ANKIB1: variants seen among roughly 807,000 people sequenced by gnomAD.
The protein encoded by ANKIB1 is ankyrin repeat and IBR domain-containing protein 1.
A neutral mutation model predicts 122.1 loss-of-function variants in ANKIB1; 43 were observed. The observed-to-expected ratio is 0.35, with a 90% CI of 0.28 to 0.45. The LOEUF (loss-of-function observed/expected upper bound fraction) is 0.45, where lower values mean the gene tolerates loss of function less well. Among genes scored for constraint, ANKIB1 ranks in the 20% least tolerant of loss-of-function variants. The pLI is 1.00. For synonymous variants in ANKIB1, 390 were observed against 442.0 expected (o/e 0.88, Z 1.48); for missense variants, 992 against 1,329.5 (o/e 0.75, Z 3.95).
At chr7:92,270,085 A>G (rs1008188003) in intron 1 of ANKIB1, among the ~76,000 whole-genome samples, 2 of 151,852 alleles carry the variant, frequency 1.3e-5, no homozygotes, top group Non-Finnish European at 2.9e-5. Flanking sequence ...TTTTGGAGAT[A>G]GGGTCTCACT....
At chr7:92,355,693 CA>C (rs1324259255) in intron 9 of ANKIB1, among the ~76,000 whole-genome samples, 1 of 151,442 alleles carries the variant, frequency 6.6e-6, no homozygotes, top group African/African-American at 2.4e-5. Flanking sequence ...ACTAAAAATA[CA>C]AAAAATTAGC....
intron 1 of ANKIB1, among the ~76,000 whole-genome samples, chr7:92,277,100 G>A (rs1220556128): frequency 6.6e-6 from 1 of 152,046 alleles, no homozygotes; most frequent in Non-Finnish European, 1.5e-5. Flanking sequence ...TTTCCCTTCC[G>A]CCATGATTGT....
intron 1 of ANKIB1, among the ~76,000 whole-genome samples, chr7:92,261,348 CAAAAAAA>C (rs765326035): frequency 1.6e-5 from 1 of 63,728 alleles, no homozygotes; most frequent in Non-Finnish European, 3.3e-5. Flanking sequence ...GACTCCGTCT[CAAAAAAA>C]AAAAAAAAAA....
At chr7:92,355,347 C>T (rs900128723) in intron 9 of ANKIB1, among the ~76,000 whole-genome samples, 1 of 151,514 alleles carries the variant, frequency 6.6e-6, no homozygotes, top group Admixed American at 6.6e-5. Flanking sequence ...TCTGAGACAA[C>T]TCTTCACAGA....
intron 14 of ANKIB1, among the ~76,000 whole-genome samples, chr7:92,388,266 T>C (rs1804709935): frequency 6.6e-6 from 1 of 152,218 alleles, no homozygotes; most frequent in African/African-American, 2.4e-5. Flanking sequence ...CCTGTGGTGT[T>C]ATGAGATAAA....
chr7:92,258,807 CATCTGCT>C (rs1233185268), intron 1 of ANKIB1, among the ~76,000 whole-genome samples: 1 of 152,044 alleles, frequency 6.6e-6, no homozygotes, highest in Non-Finnish European at 1.5e-5. Context: ...TTCTCTCATC[CATCTGCT>C]ATCTAGATTA....
chr7:92,398,407 T>C lies in ANKIB1; in HGVS notation c.2728T>C (p.Leu910=), dbSNP rs531020910. The change falls in exon 20 of 20, where the codon TTG becomes CTG. Residue 910 remains leucine (L), a synonymous_variant. Coordinates refer to ENST00000265742, the MANE Select transcript of ANKIB1 (RefSeq NM_019004.2). ...PRNTDSPRAA[L]SSSELLELGD... is the part of the protein sequence containing the mutation. ...AAATACAGATAGCCCTCGGGCTGCA[T>C]TGAGCAGCTCTGAGCTTTTGGAACT... 65 of 1,613,586 alleles carry C rather than the reference T, an allele frequency of 4.0e-5. 1 individual carries two copies. In the South Asian group the frequency reaches 4.9e-4, roughly 12 times the overall value.
In ANKIB1 at chr7:92,331,477, T is replaced by C. The variant is rs575469899; in HGVS notation, c.787+3577T>C. Among the ~76,000 whole-genome samples, 6 of 152,044 alleles carry C rather than the reference T, an allele frequency of 3.9e-5. No homozygotes were observed. In the South Asian group the frequency reaches 1.2e-3, roughly 32 times the overall value. Reference sequence around the variant, plus strand: ...GAGATGGGGTTTCACCAGATGGGGTTTGGCCAGGCTGGTCTGGAACTCCTG... The same window carrying C: ...GAGATGGGGTTTCACCAGATGGGGTCTGGCCAGGCTGGTCTGGAACTCCTG... On this transcript the variant is annotated intron_variant, in intron 5 of 19. Transcript: ENST00000265742.
intron 5 of ANKIB1, among the ~76,000 whole-genome samples, chr7:92,342,068 C>A (rs1050342871): frequency 6.6e-6 from 1 of 151,556 alleles, no homozygotes; most frequent in African/African-American, 2.4e-5. Flanking sequence ...AAAAAAACCT[C>A]GTGTAGAAAA....
rs996943530 is a variant in ANKIB1 at position 92,390,001 on chromosome 7, T to C, written c.1937T>C (p.Ile646Thr). The change falls in exon 15 of 20, where the codon ATT (isoleucine) becomes ACT (threonine). Residue 646 changes from isoleucine to threonine, a missense_variant. Around this residue, in one of 4 missense-constraint regions of ANKIB1, gnomAD observed 521 missense variants for 777.7 expected, o/e 0.67. Coordinates refer to ENST00000265742, the MANE Select transcript of ANKIB1 (RefSeq NM_019004.2). The stretch of plus-strand genomic sequence containing the variant: ...GGAGGCTGTCCAGATACCACTTTCA[T>C]TGAAGATGCAGTTCATGTGCTCTTA... ...TEGGCPDTTF[I>T]EDAVHVLLKT... 1 of 1,601,534 alleles carries C rather than the reference T, an allele frequency of 6.2e-7. No homozygotes were observed. The highest frequency in any genetic ancestry group is 1.3e-5 in the African/African-American group (1 of 74,172).
At chr7:92,387,676 A>G (rs994046136) in intron 12 of ANKIB1, 122 bp from the exon 13 acceptor site, 1 of 676,358 alleles carries the variant, frequency 1.5e-6, no homozygotes, top group Non-Finnish European at 2.5e-6. Context: ...TCAAGAAAAT[A>G]ATTCGCAAAT....
intron 1 of ANKIB1, among the ~76,000 whole-genome samples, chr7:92,282,329 A>G (rs1802026215): frequency 6.6e-6 from 1 of 151,612 alleles, no homozygotes; most frequent in Admixed American, 6.6e-5. Flanking sequence ...ATTTTTTTGT[A>G]TTTTTAGTAG....
At chr7:92,385,019 G>A (rs1174596006) in intron 11 of ANKIB1, among the ~76,000 whole-genome samples, 2 of 152,012 alleles carry the variant, frequency 1.3e-5, no homozygotes, top group Non-Finnish European at 2.9e-5. Flanking sequence ...AACCTACAAA[G>A]AACTTAAACC....
chr7:92,394,191 A>G (rs1451944040), intron 17 of ANKIB1, among the ~76,000 whole-genome samples: 1 of 152,204 alleles, frequency 6.6e-6, no homozygotes, highest in Non-Finnish European at 1.5e-5. Flanking sequence ...TTCTAGAAGG[A>G]TTAAAGCATC....
chr7:92,279,759 ACT>A (rs2131900652), intron 1 of ANKIB1, among the ~76,000 whole-genome samples: 1 of 152,232 alleles, frequency 6.6e-6, no homozygotes, highest in African/African-American at 2.4e-5. Context: ...GAAAGCTGAG[ACT>A]CTGTAAAACC....
At position 92,391,327 on chromosome 7, in the gene ANKIB1, A is replaced by G; in HGVS notation, c.2214A>G (p.Pro738=). ...VARGVAPADS[P]EAPRRSFAGG... ...GGGGAGTAGCTCCTGCAGACTCACC[A>G]GAAGCTCCAAGGCGCAGGTAAAAAG... The change falls in exon 16 of 20, where the codon CCA becomes CCG. Residue 738 remains proline (P), a synonymous_variant. Coordinates refer to ENST00000265742, the MANE Select transcript of ANKIB1 (RefSeq NM_019004.2). 2 of 1,612,330 alleles carry G rather than the reference A, an allele frequency of 1.2e-6. No individual in the cohort carries two copies. The highest frequency in any genetic ancestry group is 1.7e-6 in the Non-Finnish European group (2 of 1,178,984).
At position 92,327,763 on chromosome 7, in the gene ANKIB1, TA is replaced by T; in HGVS notation, c.670-19del. On this transcript the variant is annotated intron_variant, in intron 4 of 19. Transcript: ENST00000265742. The stretch of plus-strand genomic sequence containing the variant: ...TATGAGTATAATGCCCATTTAACTT[TA>T]TTTTTTTTCTTTTCAAAGCCATATG... 7.0e-7 allele frequency: 1 copy of T among 1,421,608 alleles called. No individual in the cohort carries two copies. 88.1% of individuals were successfully genotyped at this position (1,421,608 alleles called of 1,614,324 possible). A position where few individuals can be genotyped will look rare whatever the true frequency, so the allele number is the denominator to read the frequency against.
At chr7:92,278,039 G>A (rs1202162182) in intron 1 of ANKIB1, among the ~76,000 whole-genome samples, 5 of 151,372 alleles carry the variant, frequency 3.3e-5, no homozygotes, top group South Asian at 4.2e-4. Flanking sequence ...AGCAGAGATC[G>A]TGCCACTGCA....
intron 5 of ANKIB1, among the ~76,000 whole-genome samples, chr7:92,333,594 G>A (rs189537308): frequency 9.7e-4 from 148 of 152,154 alleles, no homozygotes; most frequent in Non-Finnish European, 1.6e-3. Flanking sequence ...TGGTGTTTAC[G>A]TGTTTATTTT....
Sources: gnomAD v4.1 joint callset for allele counts (sites outside exome capture counted in the v4.1 genomes callset) on GRCh38, gnomAD v4.1.1 for gene constraint, gnomAD v4.1.1 regional missense constraint, MANE v1.5 for transcripts, NCBI Gene and HGNC (gene_info 2026-07-23, HGNC 2026-07-21) for gene names.